The following ADD1 variants were observed in gnomAD, a reference collection of about 807,000 sequenced individuals.
ADD1 encodes the protein adducin 1, also known as alpha-adducin.
In ADD1, 24 loss-of-function variants were observed where a neutral mutation model predicts 80.5. The ratio of observed to expected loss-of-function variants is 0.30; its 90% confidence interval spans 0.22 to 0.42. The LOEUF is 0.42. Among genes scored for constraint, ADD1 ranks in the 10% least tolerant of loss-of-function variants. The probability of loss-of-function intolerance (pLI) is 1.00; values close to 1 mark genes in which losing one functional copy is unlikely to be tolerated. For missense variants in ADD1, 948 were observed against 1,019.0 expected (o/e 0.93, Z 0.95); for synonymous variants, 373 against 393.8 (o/e 0.95, Z 0.63).
chr4:2,915,366 C>T (rs1291885567), intron 14 of ADD1, among the ~76,000 whole-genome samples: 1 of 152,100 alleles, frequency 6.6e-6, no homozygotes, highest in Admixed American at 6.5e-5. Flanking sequence ...TTAGGCTGGG[C>T]ATGGTGGCTC....
chr4:2,908,043 A>G (rs1195237422), intron 11 of ADD1, among the ~76,000 whole-genome samples, 199 bp downstream of exon 11: 1 of 152,160 alleles, frequency 6.6e-6, no homozygotes, highest in South Asian at 2.1e-4. Flanking sequence ...TTTGGGCCCT[A>G]TTGATTCTTG....
chr4:2,896,427 T>C (rs1198520318), intron 6 of ADD1, among the ~76,000 whole-genome samples: 3 of 152,016 alleles, frequency 2.0e-5, no homozygotes, highest in African/African-American at 7.3e-5. Context: ...CTGGCTGGTC[T>C]CGAACTCCTG....
chr4:2,918,713 T>C (rs1739487476), intron 14 of ADD1, among the ~76,000 whole-genome samples: 1 of 152,348 alleles, frequency 6.6e-6, no homozygotes, highest in South Asian at 2.1e-4. Flanking sequence ...ATTGAGAGTT[T>C]TTAGCATGAA....
rs1738685346 is a variant in ADD1 at position 2,914,717 on chromosome 4, C to T, written c.1792-167C>T. ...TGACCTGTGTTTCCATTATATACCA[C>T]TGAAGGCTGCAGCTCAGCCTAGGCC... On this transcript the variant is annotated intron_variant, in intron 13 of 15. Coordinates refer to ENST00000683351, the MANE Select transcript of ADD1 (RefSeq NM_001354761.2). 9 of 686,720 alleles carry T rather than the reference C, an allele frequency of 1.3e-5. No homozygotes were observed. The South Asian group carries it at 1.8e-4, about 13-fold the overall frequency. The allele number at this position is 686,720 out of a possible 1,614,324, so 42.5% of individuals were successfully genotyped here. A position where few individuals can be genotyped will look rare whatever the true frequency, so the allele number is the denominator to read the frequency against.
chr4:2,886,525 AC>A (rs1243059654), intron 4 of ADD1, among the ~76,000 whole-genome samples: 1 of 151,996 alleles, frequency 6.6e-6, no homozygotes, highest in Non-Finnish European at 1.5e-5. Flanking sequence ...TGTAGCAGTT[AC>A]CCCCATTCAT....
At chr4:2,896,064 T>C (rs774367552) in intron 6 of ADD1, among the ~76,000 whole-genome samples, 1 of 151,550 alleles carries the variant, frequency 6.6e-6, no homozygotes, top group Non-Finnish European at 1.5e-5. Flanking sequence ...ATTTTTTGTA[T>C]TTTTAGTAGA....
At chr4:2,849,651 G>T (rs959030234) in intron 1 of ADD1, among the ~76,000 whole-genome samples, 2 of 152,162 alleles carry the variant, frequency 1.3e-5, no homozygotes, top group Non-Finnish European at 1.5e-5. Context: ...TTACTCTGAA[G>T]GGCTTAATTT....
intron 1 of ADD1, among the ~76,000 whole-genome samples, chr4:2,872,220 C>T (rs1362571127): frequency 1.3e-5 from 2 of 152,116 alleles, no homozygotes; most frequent in African/African-American, 2.4e-5. Context: ...TTTCTGTTGT[C>T]TGTGTTTATT....
intron 4 of ADD1, among the ~76,000 whole-genome samples, chr4:2,891,696 T>C (rs773826517): frequency 7.9e-5 from 12 of 152,126 alleles, no homozygotes; most frequent in Non-Finnish European, 1.3e-4. Flanking sequence ...CACTTAGTCA[T>C]GAGGAAAACA....
chr4:2,924,809 C>T lies in ADD1; in HGVS notation c.1949-1205C>T, dbSNP rs1373462537. 5.3e-5 allele frequency among the ~76,000 whole-genome samples: 8 copies of T among 152,208 alleles called. No individual in the cohort carries two copies. The East Asian group carries it at 7.7e-4, about 15-fold the overall frequency. ...ATTGCTGTAATTACCTGCCTTAGAG[C>T]GAGAACTGGAGGTAGTCAGCTTGAG... On this transcript the variant is annotated intron_variant, in intron 14 of 15. Transcript: ENST00000683351.
rs771410075 is a variant in ADD1 at position 2,926,688 on chromosome 4, C to G, written c.2047+576C>G. The G allele has an allele frequency of 1.2e-6, 2 of 1,612,936 alleles. No homozygotes were observed. The highest frequency in any genetic ancestry group is 1.3e-5 in the African/African-American group (1 of 75,040). ...ACCTGTTACCCTAGTAAGTACCGTG[C>G]TGCCTCCGCTCTCCACCGGTGCCCT... is the stretch of plus-strand genomic sequence containing the variant. On this transcript the variant is annotated intron_variant, in intron 15 of 15. Coordinates refer to ENST00000683351, the MANE Select transcript of ADD1 (RefSeq NM_001354761.2). The surrounding 1 kb of genome is among the most constrained non-coding windows in gnomAD (Gnocchi z 5.0).
At chr4:2,875,834 A>T (rs1286559684) in intron 1 of ADD1, 62 bp from the exon 2 acceptor site, 5 of 1,333,130 alleles carry the variant, frequency 3.8e-6, no homozygotes, top group Non-Finnish European at 5.1e-6. Context: ...TCATGTGCTC[A>T]TCATGAAACA....
intron 1 of ADD1, chr4:2,855,164 T>C (rs1045793507): frequency 2.6e-5 from 4 of 152,224 alleles, no homozygotes; most frequent in Admixed American, 2.6e-4. Context: ...TAATTATATC[T>C]GTAGTCTTTG....
chr4:2,926,620 C>T lies in ADD1; in HGVS notation c.2047+508C>T. Reference sequence around the variant, plus strand: ...GATTCTCTCCTTGTGCTTTTTTCTCCCTGTGGCTGCGTCACAAGCAGGAGA... The same window carrying T: ...GATTCTCTCCTTGTGCTTTTTTCTCTCTGTGGCTGCGTCACAAGCAGGAGA... On this transcript the variant is annotated intron_variant, in intron 15 of 15. Coordinates refer to ENST00000683351, the MANE Select transcript of ADD1 (RefSeq NM_001354761.2). This position sits in a 1 kb window ranked among gnomAD's most constrained non-coding sequence, Gnocchi z 5.0. 2 of 1,613,372 alleles carry T rather than the reference C, an allele frequency of 1.2e-6. No homozygotes were observed. Among genetic ancestry groups the T allele is most frequent in the Non-Finnish European group, 1.7e-6 (2 of 1,179,676 alleles).
intron 6 of ADD1, among the ~76,000 whole-genome samples, chr4:2,896,128 C>T (rs1000107885): frequency 2.0e-5 from 3 of 152,062 alleles, no homozygotes; most frequent in African/African-American, 7.2e-5. Context: ...ACCTCGTGAT[C>T]CGCCCGCTTC....
chr4:2,849,976 A>G (rs58758786), intron 1 of ADD1, among the ~76,000 whole-genome samples: 2,822 of 152,348 alleles, frequency 0.019, 60 homozygotes, highest in African/African-American at 0.047. Flanking sequence ...TGCAAAGGCC[A>G]AGTGAAAACA....
At chr4:2,909,056 T>G (rs1737553708) in intron 12 of ADD1, 1 of 501,174 alleles carries the variant, frequency 2.0e-6, no homozygotes, top group Non-Finnish European at 3.6e-6. Flanking sequence ...TGACTCTACC[T>G]TGTGGCACAT....
At chr4:2,893,764 C>T (rs1487595526) in intron 4 of ADD1, among the ~76,000 whole-genome samples, 2 of 152,130 alleles carry the variant, frequency 1.3e-5, no homozygotes, top group Non-Finnish European at 2.9e-5. Context: ...TAGTGTGGAA[C>T]TGTTTTTTCC....
chr4:2,865,307 A>AACAT (rs1244763289), intron 1 of ADD1, among the ~76,000 whole-genome samples: 3 of 152,228 alleles, frequency 2.0e-5, no homozygotes, highest in Admixed American at 6.5e-5. Context: ...ATTTTCAATG[A>AACAT]ACATACCTTT....
Sources: allele counts gnomAD v4.1 joint callset (sites outside exome capture counted in the v4.1 genomes callset), GRCh38; gene constraint gnomAD v4.1.1; non-coding constraint Gnocchi (gnomAD v3.1); transcripts MANE v1.5; gene names NCBI Gene and HGNC (gene_info 2026-07-23, HGNC 2026-07-21).